FAAP20: variants seen among roughly 807,000 people sequenced by gnomAD.
FAAP20 encodes Fanconi anemia core complex-associated protein 20.
A neutral mutation model predicts 16.2 loss-of-function variants in FAAP20; 12 were observed. The ratio of observed to expected loss-of-function variants is 0.74; its 90% CI spans 0.48 to 1.20. The LOEUF (loss-of-function observed/expected upper bound fraction) is 1.20, where lower values mean the gene tolerates loss of function less well. Among genes scored for constraint, FAAP20 ranks in the 50% most tolerant of loss-of-function variants. The pLI, the probability that FAAP20 is intolerant of heterozygous loss-of-function variation, is 0.00. For synonymous variants in FAAP20, 141 were observed against 110.7 expected, an observed-to-expected ratio of 1.27 and a Z score of -1.72; for missense variants, 288 against 245.8, an observed-to-expected ratio of 1.17 and a Z score of -1.15.
intron 3 of FAAP20, chr1:2,193,287 C>T: frequency 2.2e-6 from 1 of 464,020 alleles, no homozygotes; most frequent in Non-Finnish European, 3.9e-6. Context: ...ATTTTTAAAA[C>T]CCATGACGCA....
intron 3 of FAAP20, 87 bp from the exon 4 acceptor site, chr1:2,189,868 C>T: frequency 3.9e-6 from 4 of 1,038,112 alleles, no homozygotes; most frequent in East Asian, 2.5e-5. Flanking sequence ...GCCCTCTCTG[C>T]TCCTGCCGCT....
At chr1:2,198,592 C>G (rs1688917039), upstream of FAAP20, 1 of 1,035,040 alleles carries the variant, frequency 9.7e-7, no homozygotes, top group Non-Finnish European at 1.2e-6. Flanking sequence ...CTGAGGCTGG[C>G]AGGCCTAAGC....
downstream of FAAP20, among the ~76,000 whole-genome samples, chr1:2,187,986 G>A (rs114999479): frequency 7.8e-3 from 1,191 of 152,322 alleles, 13 homozygotes; most frequent in Non-Finnish European, 0.01. Flanking sequence ...AACCCCCTAG[G>A]GTTGGAATCA....
downstream of FAAP20, among the ~76,000 whole-genome samples, chr1:2,188,877 C>A (rs1004525172): frequency 6.6e-6 from 1 of 152,002 alleles, no homozygotes; most frequent in Admixed American, 6.6e-5. Context: ...TGGTGGCGGG[C>A]GCCTGTAGTC....
Position 2,193,930 on chromosome 1 carries a change from G to A in FAAP20, c.199-20C>T. ...GGGCTCCTGCAACACAGAGTTGTTG[G>A]GCCTTGCCCAGCGATGGCTCCCGCC... On this transcript the variant is annotated intron_variant, in intron 2 of 3. Transcript: ENST00000378546. 1 of 1,612,242 alleles carries A rather than the reference G, an allele frequency of 6.2e-7. No individual in the cohort carries two copies. The highest frequency in any genetic ancestry group is 8.5e-7 in the Non-Finnish European group (1 of 1,179,726).
downstream of FAAP20, among the ~76,000 whole-genome samples, chr1:2,209,336 C>T (rs573569181): frequency 2.0e-5 from 3 of 152,196 alleles, no homozygotes; most frequent in Non-Finnish European, 4.4e-5. Flanking sequence ...GACTTACCCT[C>T]GTCTATTCCT....
At chr1:2,199,493 C>T (rs1407972238), upstream of FAAP20, 11 of 992,068 alleles carry the variant, frequency 1.1e-5, no homozygotes, top group Non-Finnish European at 1.2e-5. This position sits in a 1 kb window ranked among gnomAD's most constrained non-coding sequence, Gnocchi z 4.5. Context: ...CCCAGGAGGG[C>T]GGTCCTGTGT....
chr1:2,204,925 T>C (rs1569588745), intron 3 of FAAP20, among the ~76,000 whole-genome samples: 1 of 7,724 alleles, frequency 1.3e-4, no homozygotes, highest in Non-Finnish European at 2.6e-4. Context: ...CTCCCTCCCT[T>C]CGGGCCCCCC....
At chr1:2,193,026 C>T in intron 3 of FAAP20, 2 of 1,299,496 alleles carry the variant, frequency 1.5e-6, no homozygotes, top group East Asian at 5.6e-5. Flanking sequence ...TCTCCATAAG[C>T]TCTGAAACCT....
chr1:2,211,226 C>CTTTTTTTT (rs56294751), downstream of FAAP20, among the ~76,000 whole-genome samples: 51 of 101,106 alleles, frequency 5.0e-4, no homozygotes, highest in South Asian at 6.6e-4. Flanking sequence ...TTCTTTCTTT[C>CTTTTTTTT]TTTTTTTTTT....
At chr1:2,194,220 A>G in intron 1 of FAAP20, 87 bp from the exon 2 acceptor site, 2 of 1,519,332 alleles carry the variant, frequency 1.3e-6, no homozygotes, top group South Asian at 1.2e-5. Flanking sequence ...GGGCAGAGAG[A>G]GCGGGGAGAT....
chr1:2,198,879 T>C (rs750165172), upstream of FAAP20: 3 of 1,289,596 alleles, frequency 2.3e-6, no homozygotes. Flanking sequence ...CCAGATGTGG[T>C]GGCATTTATG....
At chr1:2,184,602 T>C, downstream of FAAP20, 2 of 1,613,822 alleles carry the variant, frequency 1.2e-6, no homozygotes, top group Non-Finnish European at 1.7e-6. Context: ...AAGCAGGCGC[T>C]CCCTCCATTC....
At chr1:2,210,077 C>T (rs938647920), downstream of FAAP20, among the ~76,000 whole-genome samples, 2 of 152,184 alleles carry the variant, frequency 1.3e-5, no homozygotes, top group Admixed American at 6.5e-5. Flanking sequence ...CTGCCTAGTG[C>T]CCTGTGGCTG....
At chr1:2,190,091 C>T (rs760890669) in intron 3 of FAAP20, 3 of 558,130 alleles carry the variant, frequency 5.4e-6, no homozygotes, top group African/African-American at 1.9e-5. Context: ...ACGCGCTCAT[C>T]GTGGAGCCCG....
At position 2,194,721 on chromosome 1, in the gene FAAP20, C is replaced by A. The variant is rs1156740471; in HGVS notation, c.29G>T (p.Gly10Val). The A allele has an allele frequency of 8.4e-7, 1 of 1,191,874 alleles. No individual in the cohort carries two copies. Among genetic ancestry groups the A allele is most frequent in the Non-Finnish European group, 1.0e-6 (1 of 964,334 alleles). 73.8% of individuals were successfully genotyped at this position (1,191,874 alleles called of 1,614,324 possible). Residue 10 changes from glycine to valine, a missense_variant, in exon 1 of 4, where the codon GGG (glycine) becomes GTG (valine). Gly to Val is a moderately radical substitution (Grantham distance 109). Transcript: ENST00000378546. The stretch of plus-strand genomic sequence containing the variant: ...CGGGCGCGGCCTCCGGCGGCTCAAC[C>A]CCAGCCGCGGCCTCCGCGCCGCCTC... MEAARRPRL[G>V]LSRRRPRPAG...
chr1:2,189,543 A>G, downstream of FAAP20: 1 of 640,742 alleles, frequency 1.6e-6, no homozygotes. Flanking sequence ...GAAAAGCGGC[A>G]GACGTTTCAT....
At chr1:2,198,716 G>A, upstream of FAAP20, 1 of 1,265,272 alleles carries the variant, frequency 7.9e-7, no homozygotes, top group Non-Finnish European at 1.0e-6. Flanking sequence ...GTGGCTAAAT[G>A]GCCCAGCACC....
chr1:2,184,754 G>T, downstream of FAAP20: 1 of 1,530,026 alleles, frequency 6.5e-7, no homozygotes, highest in Non-Finnish European at 8.9e-7. Context: ...CCCATGGCAG[G>T]CCGGCACCTT....
Sources: gnomAD v4.1 joint callset for allele counts (sites outside exome capture counted in the v4.1 genomes callset) on GRCh38, gnomAD v4.1.1 for gene constraint, Gnocchi (gnomAD v3.1) non-coding constraint, MANE v1.5 for transcripts, NCBI Gene and HGNC (gene_info 2026-07-23, HGNC 2026-07-21) for gene names.